GORASP2: variants seen among roughly 807,000 people sequenced by gnomAD.
GORASP2 encodes Golgi reassembly-stacking protein 2.
GORASP2 carries 22 observed loss-of-function variants against 45.7 expected under a neutral mutation model. The ratio of observed to expected loss-of-function variants is 0.48; its 90% CI spans 0.34 to 0.69. The LOEUF (loss-of-function observed/expected upper bound fraction) is 0.69, where lower values mean the gene tolerates loss of function less well. Among genes scored for constraint, GORASP2 ranks in the 30% least tolerant of loss-of-function variants. GORASP2 has a pLI of 0.01. For missense variants in GORASP2, 491 were observed against 562.7 expected (o/e 0.87, Z 1.29); for synonymous variants, 221 against 215.6 (o/e 1.02, Z -0.22).
chr2:170,965,618 G>A (rs1459957732), intron 9 of GORASP2, among the ~76,000 whole-genome samples, 172 bp from the exon 10 acceptor site: 1 of 152,238 alleles, frequency 6.6e-6, no homozygotes, highest in African/African-American at 2.4e-5. Flanking sequence ...CGATTGTAGG[G>A]AATAGTTAAC....
At position 170,950,222 on chromosome 2, in the gene GORASP2, C is replaced by T; in HGVS notation, c.367C>T (p.Pro123Ser). ...WHVLEVESNS[P>S]AALAGLRPHS... ...ATTCTAGGAGGTGGAATCAAATTCT[C>T]CTGCAGCACTGGCAGGTCTTAGACC... The change falls in exon 4 of 10, where the codon CCT (proline) becomes TCT (serine). Residue 123 changes from proline to serine, a missense_variant. By Grantham distance (74) the Pro-to-Ser change is moderately conservative. Around this residue, in one of 2 missense-constraint regions of GORASP2, gnomAD observed 194 missense variants for 270.4 expected, o/e 0.72. Transcript: ENST00000234160. 6.4e-7 allele frequency: 1 copy of T among 1,563,490 alleles called. No individual in the cohort carries two copies. Among genetic ancestry groups the T allele is most frequent in the Non-Finnish European group, 8.8e-7 (1 of 1,142,104 alleles).
chr2:170,943,101 G>A (rs890092181), intron 1 of GORASP2, among the ~76,000 whole-genome samples: 1 of 152,106 alleles, frequency 6.6e-6, no homozygotes, highest in East Asian at 1.9e-4. Flanking sequence ...AGTGCATTTT[G>A]TGTCCAGTTT....
intron 1 of GORASP2, among the ~76,000 whole-genome samples, chr2:170,936,425 G>C (rs983099949): frequency 1.1e-4 from 17 of 151,826 alleles, no homozygotes; most frequent in African/African-American, 4.1e-4. Context: ...TTTCTATGTT[G>C]CCCAGGCTGG....
intron 2 of GORASP2, 136 bp from the exon 3 acceptor site, chr2:170,949,403 A>G: frequency 1.6e-6 from 1 of 631,308 alleles, no homozygotes; most frequent in Non-Finnish European, 2.7e-6. Context: ...ATAGAAGAAA[A>G]TTTAAATGTT....
intron 2 of GORASP2, 52 bp downstream of exon 2, chr2:170,948,482 A>G (rs1326386736): frequency 9.8e-7 from 1 of 1,022,282 alleles, no homozygotes; most frequent in Non-Finnish European, 1.5e-6. Context: ...TCTCTCAAAA[A>G]TGGAATTTTT....
At chr2:170,962,064 C>T (rs1355331257) in intron 8 of GORASP2, among the ~76,000 whole-genome samples, 1 of 152,234 alleles carries the variant, frequency 6.6e-6, no homozygotes, top group African/African-American at 2.4e-5. Context: ...GAAGTCCATT[C>T]TCCACTGTCT....
intron 1 of GORASP2, chr2:170,929,738 T>G: frequency 1.9e-6 from 1 of 531,036 alleles, no homozygotes; most frequent in Non-Finnish European, 3.7e-6. Flanking sequence ...CCCTCATTTT[T>G]AGCTTCCAAA....
At chr2:170,947,723 C>A (rs184371395) in intron 1 of GORASP2, among the ~76,000 whole-genome samples, 3 of 152,188 alleles carry the variant, frequency 2.0e-5, no homozygotes, top group Non-Finnish European at 4.4e-5. Flanking sequence ...ATTGTAGTGA[C>A]TGTCTGCTGT....
At chr2:170,952,103 A>G (rs1381347533) in intron 5 of GORASP2, among the ~76,000 whole-genome samples, 2 of 152,368 alleles carry the variant, frequency 1.3e-5, no homozygotes, top group Admixed American at 6.5e-5. Flanking sequence ...AGAAGCTGCT[A>G]TATTTGAATG....
At chr2:170,934,727 T>TTTTC (rs1703906362) in intron 1 of GORASP2, among the ~76,000 whole-genome samples, 1 of 152,098 alleles carries the variant, frequency 6.6e-6, no homozygotes. Flanking sequence ...CTCTCCTTTT[T>TTTTC]TTTCTTTTTT....
intron 7 of GORASP2, among the ~76,000 whole-genome samples, chr2:170,959,824 T>TC (rs1257554417): frequency 6.1e-5 from 9 of 147,054 alleles, no homozygotes; most frequent in Non-Finnish European, 7.5e-5. Flanking sequence ...CCTTTTTCTT[T>TC]TTTTTTTTTT....
intron 1 of GORASP2, among the ~76,000 whole-genome samples, chr2:170,932,136 A>G (rs188183442): frequency 6.6e-6 from 1 of 152,332 alleles, no homozygotes; most frequent in East Asian, 1.9e-4. Flanking sequence ...CTGAGGCAGG[A>G]GAATCACTTG....
At chr2:170,945,736 T>C (rs540968861) in intron 1 of GORASP2, among the ~76,000 whole-genome samples, 1 of 152,268 alleles carries the variant, frequency 6.6e-6, no homozygotes, top group African/African-American at 2.4e-5. Flanking sequence ...ATACTATAAT[T>C]TGGCGTAAAT....
At chr2:170,940,026 A>C (rs1034882369) in intron 1 of GORASP2, among the ~76,000 whole-genome samples, 10 of 152,134 alleles carry the variant, frequency 6.6e-5, no homozygotes, top group African/African-American at 2.2e-4. Flanking sequence ...GATAGTGTAG[A>C]TAGTCATTCA....
At chr2:170,951,641 A>G (rs968530881) in intron 5 of GORASP2, 183 bp downstream of exon 5, 8 of 495,424 alleles carry the variant, frequency 1.6e-5, no homozygotes, top group African/African-American at 3.9e-5. Flanking sequence ...TCTAGGGAAC[A>G]TAGTATATAT....
intron 1 of GORASP2, among the ~76,000 whole-genome samples, chr2:170,945,978 A>G (rs1575472928): frequency 6.6e-6 from 1 of 152,302 alleles, no homozygotes; most frequent in South Asian, 2.1e-4. Context: ...ATAAATATCA[A>G]TGCAAACTTT....
Position 170,961,736 on chromosome 2 carries a change from T to C in GORASP2, c.897T>C (p.Ala299=). 2 of 1,562,932 alleles carry C rather than the reference T, an allele frequency of 1.3e-6. No homozygotes were observed. Among genetic ancestry groups the C allele is most frequent in the Non-Finnish European group, 1.8e-6 (2 of 1,133,268 alleles). The part of the protein sequence containing the change: ...SLTSVPPMNP[A]TTLPGLMPLP... Reference sequence around the variant, plus strand: ...CTTCTGTGCCACCAATGAATCCAGCTACTACATTACCAGGTAACCACCAGG... The same window carrying C: ...CTTCTGTGCCACCAATGAATCCAGCCACTACATTACCAGGTAACCACCAGG... The change falls in exon 8 of 10, where the codon GCT becomes GCC. Residue 299 remains alanine, a synonymous_variant. Coordinates refer to ENST00000234160, the MANE Select transcript of GORASP2 (RefSeq NM_015530.5).
intron 1 of GORASP2, among the ~76,000 whole-genome samples, chr2:170,942,718 A>G (rs147775477): frequency 4.6e-5 from 7 of 152,272 alleles, no homozygotes; most frequent in Admixed American, 4.6e-4. Context: ...GGTTATTTGT[A>G]TACCTGGAGT....
At chr2:170,929,760 C>T (rs974527215) in intron 1 of GORASP2, 2 of 505,878 alleles carry the variant, frequency 4.0e-6, no homozygotes, top group Admixed American at 2.3e-5. Context: ...TTAGGAAGGG[C>T]GCGGAGGCAA....
Sources: allele counts gnomAD v4.1 joint callset (sites outside exome capture counted in the v4.1 genomes callset), GRCh38; gene constraint gnomAD v4.1.1; regional missense constraint gnomAD v4.1.1; transcripts MANE v1.5; gene names NCBI Gene and HGNC (gene_info 2026-07-23, HGNC 2026-07-21).